The following GALNT13 variants were observed in gnomAD, a reference collection of about 807,000 sequenced individuals.
GALNT13 encodes the protein UDP-GalNAc:polypeptide N-acetylgalactosaminyltransferase 13.
Under a neutral mutation model 64.2 loss-of-function variants are expected in GALNT13, and 28 were observed. The observed-to-expected ratio is 0.44, with a 90% CI of 0.32 to 0.60. GALNT13 has a LOEUF of 0.60. GALNT13 is among the 20% of genes least tolerant of loss of function. GALNT13 has a pLI of 0.05. For synonymous variants in GALNT13, 214 were observed against 224.6 expected (o/e 0.95, Z 0.42); for missense variants, 577 against 669.8 (o/e 0.86, Z 1.53).
chr2:153,728,785 A>T, the GALNT13 span, among the ~76,000 whole-genome samples: 1 of 152,182 alleles, frequency 6.6e-6, no homozygotes, highest in Non-Finnish European at 1.5e-5. Flanking sequence ...AAATAGACAC[A>T]ATAATAGTGA....
chr2:154,076,651 C>G (rs16835930), intron 3 of GALNT13, among the ~76,000 whole-genome samples: 10,827 of 151,600 alleles, frequency 0.071, 463 homozygotes, highest in Middle Eastern at 0.14. Context: ...AAGTTGGACC[C>G]TTTTTCTTGG....
chr2:153,129,425 A>G, the GALNT13 span, among the ~76,000 whole-genome samples: 26 of 152,286 alleles, frequency 1.7e-4, no homozygotes, highest in African/African-American at 5.8e-4. Context: ...AATGCTTACC[A>G]GTAGGCAAAA....
intron 9 of GALNT13, among the ~76,000 whole-genome samples, chr2:154,342,372 ATTAATC>A (rs1313729234): frequency 6.6e-6 from 1 of 152,084 alleles, no homozygotes; most frequent in Non-Finnish European, 1.5e-5. Context: ...AACTGTAAAC[ATTAATC>A]TTAAACTCCT....
At chr2:153,845,657 G>T in the GALNT13 span, among the ~76,000 whole-genome samples, 1 of 152,102 alleles carries the variant, frequency 6.6e-6, no homozygotes, top group African/African-American at 2.4e-5. Flanking sequence ...GTATTTTAGG[G>T]GTTCCCAGAA....
At chr2:154,198,840 AG>A (rs1414430134) in intron 4 of GALNT13, among the ~76,000 whole-genome samples, 1 of 152,082 alleles carries the variant, frequency 6.6e-6, no homozygotes, top group Non-Finnish European at 1.5e-5. Flanking sequence ...AATACAAAAT[AG>A]AGGTTTAGAT....
chr2:153,608,819 C>T, the GALNT13 span, among the ~76,000 whole-genome samples: 13 of 142,002 alleles, frequency 9.2e-5, no homozygotes, highest in African/African-American at 2.6e-4. Context: ...TAATATATAC[C>T]CTAAAGAATA....
the GALNT13 span, among the ~76,000 whole-genome samples, chr2:153,851,739 T>C: frequency 6.6e-6 from 1 of 152,060 alleles, no homozygotes; most frequent in African/African-American, 2.4e-5. Flanking sequence ...TCTACATCTA[T>C]ACAAATGAAT....
At chr2:153,540,239 A>T in the GALNT13 span, among the ~76,000 whole-genome samples, 1 of 152,346 alleles carries the variant, frequency 6.6e-6, no homozygotes, top group East Asian at 1.9e-4. Flanking sequence ...AGCTCAGTCC[A>T]TGGCTTCAGA....
the GALNT13 span, among the ~76,000 whole-genome samples, chr2:153,574,572 T>C: frequency 1.9e-3 from 296 of 152,286 alleles, 1 homozygote; most frequent in African/African-American, 6.4e-3. Flanking sequence ...TATGTGTATT[T>C]GAAAATAGCC....
chr2:154,438,383 A>C (rs1701103142), intron 11 of GALNT13, among the ~76,000 whole-genome samples: 1 of 152,212 alleles, frequency 6.6e-6, no homozygotes, highest in African/African-American at 2.4e-5. Flanking sequence ...CTGAGGCCTC[A>C]CCAAAACATC....
At chr2:154,154,383 A>T (rs946269769) in intron 4 of GALNT13, among the ~76,000 whole-genome samples, 5 of 152,216 alleles carry the variant, frequency 3.3e-5, no homozygotes, top group African/African-American at 1.2e-4. Context: ...ATCCAAGCTC[A>T]TTGGCCTGCA....
chr2:153,621,287 T>C, the GALNT13 span, among the ~76,000 whole-genome samples: 4 of 152,182 alleles, frequency 2.6e-5, no homozygotes, highest in African/African-American at 7.2e-5. Context: ...TCAGTACAAA[T>C]ACTCACCAGT....
At position 154,408,010 on chromosome 2, in the gene GALNT13, T is replaced by C. The variant is rs559308711; in HGVS notation, c.1297-974T>C. On this transcript the variant is annotated intron_variant, in intron 10 of 12. Coordinates refer to ENST00000392825, the MANE Select transcript of GALNT13 (RefSeq NM_052917.4). ...TACTCAGAGCATAGATAAGTAAATATATGTGTCCAATAATTCTACCAACTG... is the reference window on the plus strand; with the variant it reads ...TACTCAGAGCATAGATAAGTAAATACATGTGTCCAATAATTCTACCAACTG... Among the ~76,000 whole-genome samples the C allele has an allele frequency of 2.6e-5, 4 of 152,244 alleles. No homozygotes were observed. The South Asian group carries it at 6.2e-4, about 24-fold the overall frequency.
chr2:153,647,942 A>G, the GALNT13 span, among the ~76,000 whole-genome samples: 3 of 152,158 alleles, frequency 2.0e-5, no homozygotes, highest in South Asian at 4.1e-4. Context: ...TTGAATTGGC[A>G]ATGTGGGCTC....
chr2:153,099,470 G>A, the GALNT13 span, among the ~76,000 whole-genome samples: 1 of 152,156 alleles, frequency 6.6e-6, no homozygotes, highest in East Asian at 1.9e-4. Context: ...AAACTCACAT[G>A]TTAATAAAAG....
At chr2:153,292,500 T>C in the GALNT13 span, among the ~76,000 whole-genome samples, 3 of 152,052 alleles carry the variant, frequency 2.0e-5, no homozygotes, top group African/African-American at 7.2e-5. Flanking sequence ...ACAGGAGGTA[T>C]GGCTTCAAGG....
At chr2:154,207,579 A>G (rs1037147228) in intron 4 of GALNT13, among the ~76,000 whole-genome samples, 11 of 152,204 alleles carry the variant, frequency 7.2e-5, no homozygotes, top group African/African-American at 2.4e-4. Context: ...ATCACTTAAC[A>G]TAATTATTGT....
chr2:153,897,241 C>T (rs1021839483), intron 1 of GALNT13, among the ~76,000 whole-genome samples: 1 of 152,026 alleles, frequency 6.6e-6, no homozygotes, highest in African/African-American at 2.4e-5. Context: ...TCTAGGATCC[C>T]AGGTGTATTT....
intron 3 of GALNT13, among the ~76,000 whole-genome samples, chr2:154,126,123 C>CG (rs1435777897): frequency 6.6e-6 from 1 of 152,150 alleles, no homozygotes; most frequent in Non-Finnish European, 1.5e-5. Context: ...TATTGCATCA[C>CG]TCTCCCTTCC....
Sources: gnomAD v4.1 joint callset for allele counts (sites outside exome capture counted in the v4.1 genomes callset) on GRCh38, gnomAD v4.1.1 for gene constraint, MANE v1.5 for transcripts, NCBI Gene and HGNC (gene_info 2026-07-23, HGNC 2026-07-21) for gene names.